The following CACNA1F variants were observed in gnomAD, a reference collection of about 807,000 sequenced individuals.
CACNA1F encodes the protein voltage-dependent L-type calcium channel subunit alpha-1F.
In CACNA1F, 59 loss-of-function variants were observed where a neutral mutation model predicts 143.8. The observed-to-expected ratio is 0.41, with a 90% CI of 0.33 to 0.51. The LOEUF (loss-of-function observed/expected upper bound fraction) is 0.51. CACNA1F is among the 20% of genes least tolerant of loss of function. The pLI is 0.22. For missense variants in CACNA1F, 1,411 were observed against 1,647.5 expected, an observed-to-expected ratio of 0.86 and a Z score of 2.48; for synonymous variants, 643 against 649.1, an observed-to-expected ratio of 0.99 and a Z score of 0.14.
At chrX:49,228,837 G>T (rs1312843813) in intron 6 of CACNA1F, among the ~76,000 whole-genome samples, 1 of 112,578 alleles carries the variant, frequency 8.9e-6, no homozygotes, top group African/African-American at 3.2e-5. Context: ...AAAGTGCTGG[G>T]ATTACAGGCG....
chrX:49,213,017 A>C, intron 31 of CACNA1F, 23 bp from the exon 32 acceptor site: 1 of 1,187,214 alleles, frequency 8.4e-7, no homozygotes, highest in Non-Finnish European at 1.1e-6. Context: ...ATGGCCAAGA[A>C]AAAGGTGATA....
At chrX:49,224,372 C>T (rs1379711726) in intron 14 of CACNA1F, among the ~76,000 whole-genome samples, 2 of 107,456 alleles carry the variant, frequency 1.9e-5, no homozygotes, top group East Asian at 5.9e-4. Context: ...TGGGTGTTAG[C>T]GTTGTAAATG....
chrX:49,212,135 C>T (rs2147898042), intron 34 of CACNA1F, 108 bp downstream of exon 34: 1 of 796,812 alleles, frequency 1.3e-6, no homozygotes, highest in Non-Finnish European at 1.9e-6. Context: ...TGACCCAGGG[C>T]CGTCCAGCTT....
At position 49,216,346 on chromosome X, in the gene CACNA1F, C is replaced by T. The variant is rs782299885; in HGVS notation, c.3236+36G>A. The T allele has an allele frequency of 9.2e-6, 11 of 1,200,830 alleles. No homozygotes were observed. In the East Asian group the frequency reaches 1.2e-4, roughly 13 times the overall value. ...AACCCAATCCTGCAGAGACCCCTGCCTCATCCCCTGATAAACCCAGGGCCC... is the reference window on the plus strand; with the variant it reads ...AACCCAATCCTGCAGAGACCCCTGCTTCATCCCCTGATAAACCCAGGGCCC... On this transcript the variant is annotated intron_variant, in intron 27 of 47. Transcript: ENST00000323022.
In CACNA1F at chrX:49,205,106, G is replaced by A. The variant is rs1169447930; in HGVS notation, c.*31C>T. 10 of 1,069,390 alleles carry A rather than the reference G, an allele frequency of 9.4e-6. No individual in the cohort carries two copies. The Middle Eastern group carries it at 7.6e-4, about 82-fold the overall frequency. The allele number at this position is 1,069,390 out of a possible 1,213,427, so 88.1% of individuals were successfully genotyped here. On this transcript the variant is annotated 3_prime_UTR_variant, in exon 48 of 48. Coordinates refer to ENST00000323022, the MANE Select transcript of CACNA1F (RefSeq NM_001256789.3). ...CCTGCTGGGGAGGGGAGGGCAGGAG[G>A]TTTATTGAGCAGTTGGGGAGGGGTG...
In CACNA1F at chrX:49,220,543, G is replaced by A; in HGVS notation, c.2335-19C>T. 7 of 1,180,063 alleles carry A rather than the reference G, an allele frequency of 5.9e-6. No individual in the cohort carries two copies. The highest frequency in any genetic ancestry group is 8.1e-6 in the Non-Finnish European group (7 of 867,420). ...CAGGCACCTGAGGACAGGAAGACGG[G>A]AGTCATCAATGGTGAGGGAGACACA... On this transcript the variant is annotated intron_variant, in intron 18 of 47. Coordinates refer to ENST00000323022, the MANE Select transcript of CACNA1F (RefSeq NM_001256789.3).
At position 49,211,169 on chromosome X, in the gene CACNA1F, G is replaced by A. The variant is rs1235756240; in HGVS notation, c.4261-77C>T. Reference sequence around the variant, plus strand: ...TGGACGGATGGTGGGAGGCTGGGGCGGGCTTATATGGTCATGAGTCTCTGG... The same window carrying A: ...TGGACGGATGGTGGGAGGCTGGGGCAGGCTTATATGGTCATGAGTCTCTGG... On this transcript the variant is annotated intron_variant, in intron 36 of 47. Transcript: ENST00000323022. The A allele has an allele frequency of 1.4e-5, 15 of 1,109,556 alleles. No individual in the cohort carries two copies. In the African/African-American group the frequency reaches 2.0e-4, roughly 15 times the overall value. 91.4% of individuals were successfully genotyped at this position (1,109,556 alleles called of 1,213,427 possible).
Position 49,228,406 on chromosome X carries a change from C to G in CACNA1F, c.859G>C (p.Gly287Arg), listed in dbSNP as rs956567167. The change falls in exon 7 of 48, where the codon GGA becomes CGA. Residue 287 changes from glycine (G) to arginine (R), a missense_variant. This residue lies in a region of CACNA1F where 950 missense variants were observed against 1,128.1 expected (regional missense o/e 0.84). Transcript: ENST00000323022. ...TTCAGCGTGCACGCACGCCCTGATC[C>G]CGAAGACGCACAGGGCGATGGGTCC... ...EEDPSPCASS[G>R]SGRACTLNQT... 41 of 1,208,286 alleles carry G rather than the reference C, an allele frequency of 3.4e-5. No homozygotes were observed. The highest frequency in any genetic ancestry group is 3.6e-5 in the Non-Finnish European group (32 of 893,715).
rs782321194 is a variant in CACNA1F at position 49,209,382 on chromosome X, C to A, written c.4833G>T (p.Arg1611=). 1 of 1,208,905 alleles carries A rather than the reference C, an allele frequency of 8.3e-7. No individual in the cohort carries two copies. Among genetic ancestry groups the A allele is most frequent in the East Asian group, 3.0e-5 (1 of 33,729 alleles). The change falls in exon 42 of 48, where the codon CGG becomes CGT. Residue 1611 remains arginine, a synonymous_variant. Coordinates refer to ENST00000323022, the MANE Select transcript of CACNA1F (RefSeq NM_001256789.3). ...STSSALQAGL[R]SLQDLGPEMR... ...TCTCAGGACCCAAGTCCTGCAGGCTCCGCAGACCAGCCTGTGGGGGTGGAG... is the reference window on the plus strand; with the variant it reads ...TCTCAGGACCCAAGTCCTGCAGGCTACGCAGACCAGCCTGTGGGGGTGGAG...
chrX:49,228,439 C>T lies in CACNA1F; in HGVS notation c.826G>A (p.Ala276Thr), dbSNP rs1292273187. ...TCYFLGSDME[A>T]EEDPSPCASS... The stretch of plus-strand genomic sequence containing the variant: ...GCACAGGGCGATGGGTCCTCCTCCG[C>T]TTCCATGTCTGCAGGAAGACTGGAG... The change falls in exon 7 of 48, where the codon GCG becomes ACG. Residue 276 changes from alanine to threonine, a missense_variant. By Grantham distance (58) the Ala-to-Thr change is moderately conservative. Transcript: ENST00000323022. 8.3e-7 allele frequency: 1 copy of T among 1,199,543 alleles called. No individual in the cohort carries two copies. The highest frequency in any genetic ancestry group is 1.7e-5 in the African/African-American group (1 of 57,501).
rs781856183 is a variant in CACNA1F, at chrX:49,224,794, C to T, written c.1844G>A (p.Cys615Tyr). Residue 615 changes from cysteine (C) to tyrosine (Y), a missense_variant, in exon 14 of 48, where the codon TGT becomes TAT. Physicochemically the swap from Cys to Tyr is radical, Grantham distance 194. Transcript: ENST00000323022. ...MQPLGISVLR[C>Y]VRLLRIFKVT... ...CTTAAAGATCCTGAGGAGGCGCACA[C>T]ATCGGAGCACTGAGATGCCCAAGGG... The T allele has an allele frequency of 4.2e-6, 5 of 1,189,317 alleles. No individual in the cohort carries two copies. The South Asian group carries it at 9.2e-5, about 22-fold the overall frequency.
chrX:49,206,491 C>A lies in CACNA1F; in HGVS notation c.5472+20G>T, dbSNP rs782566670. On this transcript the variant is annotated intron_variant, in intron 46 of 47. Transcript: ENST00000323022. ...CATCTCTCCAGACCCCAGACCCCAG[C>A]ACCACCTCCACAGCCTCACCTGAGC... 4.5e-6 allele frequency: 5 copies of A among 1,121,391 alleles called. No individual in the cohort carries two copies. Among genetic ancestry groups the A allele is most frequent in the Non-Finnish European group, 6.1e-6 (5 of 815,604 alleles). The allele number at this position is 1,121,391 out of a possible 1,213,427, so 92.4% of individuals were successfully genotyped here. A position where few individuals can be genotyped will look rare whatever the true frequency, so the allele number is the denominator to read the frequency against.
chrX:49,226,441 C>A lies in CACNA1F; in HGVS notation c.1431G>T (p.Glu477Asp), dbSNP rs782501197. The A allele has an allele frequency of 3.4e-6, 4 of 1,189,519 alleles. No individual in the cohort carries two copies. The East Asian group carries it at 1.2e-4, about 36-fold the overall frequency. The change falls in exon 11 of 48, where the codon GAG becomes GAT. Residue 477 changes from glutamate to aspartate, a missense_variant. Glu to Asp is a conservative substitution (Grantham distance 45, BLOSUM62 2). Coordinates refer to ENST00000323022, the MANE Select transcript of CACNA1F (RefSeq NM_001256789.3). ...GTGTACAGCTGGCCAGAGCCCCCTC[C>A]TCCTCATCCTCATCGCCTTGGGTCT... ...MTETQGDEDE[E>D]EGALASCTRC...
chrX:49,214,382 A>G, intron 29 of CACNA1F, 113 bp from the exon 30 acceptor site: 3 of 534,222 alleles, frequency 5.6e-6, no homozygotes, highest in South Asian at 2.4e-5. Flanking sequence ...TGCACTGTGT[A>G]TTGGTCAAAC....
Position 49,217,745 on chromosome X carries a change from G to A in CACNA1F, c.3089+10C>T. 1 of 1,204,631 alleles carries A rather than the reference G, an allele frequency of 8.3e-7. No individual in the cohort carries two copies. Among genetic ancestry groups the A allele is most frequent in the South Asian group, 1.8e-5 (1 of 56,806 alleles). On this transcript the variant is annotated intron_variant, in intron 26 of 47. Transcript: ENST00000323022. ...TGAGCTCCGTGGACGGCAGGGTCTT[G>A]GGCACTCACTTGCATTCTTGAGGGG...
chrX:49,205,544 TC>T, intron 47 of CACNA1F, 71 bp downstream of exon 47: 1 of 1,048,886 alleles, frequency 9.5e-7, no homozygotes, highest in Non-Finnish European at 1.3e-6. Flanking sequence ...GGGACTCCTT[TC>T]CGTCCTCCTC....
chrX:49,231,224 G>C lies in CACNA1F; in HGVS notation c.359C>G (p.Ser120Cys), dbSNP rs782044984. The stretch of plus-strand genomic sequence containing the variant: ...TACCAGGTTGTGGTTGGCAGTGTTG[G>C]AGTCGTCCTCAGGGAAGGGGATGTA... ...GVYIPFPEDDSNTANHNLEQV... is the reference protein window; with the variant it reads ...GVYIPFPEDDCNTANHNLEQV... The change falls in exon 3 of 48, where the codon TCC becomes TGC. Residue 120 changes from serine (S) to cysteine (C), a missense_variant. Around this residue, in one of 3 missense-constraint regions of CACNA1F, gnomAD observed 950 missense variants for 1,128.1 expected, o/e 0.84. Coordinates refer to ENST00000323022, the MANE Select transcript of CACNA1F (RefSeq NM_001256789.3). 8.6e-6 allele frequency: 10 copies of C among 1,161,279 alleles called. No individual in the cohort carries two copies. In the East Asian group the frequency reaches 1.9e-4, roughly 23 times the overall value.
intron 43 of CACNA1F, 103 bp downstream of exon 43, chrX:49,208,412 C>CA: frequency 1.2e-5 from 3 of 247,807 alleles, no homozygotes; most frequent in Admixed American, 5.0e-5. Flanking sequence ...GGCCTCTAGG[C>CA]CCTCCCTCCC....
In CACNA1F at chrX:49,226,606, C is replaced by T; in HGVS notation, c.1369+4G>A. ...CCCCCACCCCAGCCTGGCTGGACCCCCACCATGGCTGCTGGTGGAGTGTGT... is the reference window on the plus strand; with the variant it reads ...CCCCCACCCCAGCCTGGCTGGACCCTCACCATGGCTGCTGGTGGAGTGTGT... On this transcript the variant is annotated splice_donor_region_variant and intron_variant, in intron 10 of 47. Coordinates refer to ENST00000323022, the MANE Select transcript of CACNA1F (RefSeq NM_001256789.3). 8.5e-7 allele frequency: 1 copy of T among 1,175,687 alleles called. No homozygotes were observed.
Sources: allele counts gnomAD v4.1 joint callset (sites outside exome capture counted in the v4.1 genomes callset), GRCh38; gene constraint gnomAD v4.1.1; regional missense constraint gnomAD v4.1.1; transcripts MANE v1.5; gene names NCBI Gene and HGNC (gene_info 2026-07-23, HGNC 2026-07-21).